Variants in LRRC37A2 observed in about 807,000 individuals in gnomAD.
LRRC37A2 encodes leucine rich repeat containing 37 member A2.
In LRRC37A2, 9 loss-of-function variants were observed where a neutral mutation model predicts 68.8. The ratio of observed to expected loss-of-function variants is 0.13; its 90% CI spans 0.08 to 0.23. LRRC37A2 has a LOEUF of 0.23. Among genes scored for constraint, LRRC37A2 ranks in the 10% least tolerant of loss-of-function variants. The probability of loss-of-function intolerance (pLI) is 1.00; values close to 1 mark genes in which losing one functional copy is unlikely to be tolerated. For synonymous variants in LRRC37A2, 63 were observed against 367.6 expected (o/e 0.17, Z 9.48); for missense variants, 168 against 950.4 (o/e 0.18, Z 10.82).
At chr17:46,813,308 A>C in the LRRC37A2 span, among the ~76,000 whole-genome samples, 2 of 151,738 alleles carry the variant, frequency 1.3e-5, no homozygotes, top group Non-Finnish European at 2.9e-5. Context: ...GACTTGAATG[A>C]AGCCCAGAGA....
chr17:46,442,512 CAT>C, the LRRC37A2 span, among the ~76,000 whole-genome samples: 152 of 20,592 alleles, frequency 7.4e-3, 32 homozygotes, highest in African/African-American at 0.021. Flanking sequence ...GTGAAGACTA[CAT>C]GTTTCAAACG....
chr17:47,034,846 T>C, the LRRC37A2 span, among the ~76,000 whole-genome samples: 1 of 152,136 alleles, frequency 6.6e-6, no homozygotes, highest in Non-Finnish European at 1.5e-5. Flanking sequence ...TCACGAAGGA[T>C]ATTTAAAGCC....
the LRRC37A2 span, among the ~76,000 whole-genome samples, chr17:46,720,665 A>G: frequency 6.6e-6 from 1 of 152,222 alleles, no homozygotes; most frequent in Non-Finnish European, 1.5e-5. Context: ...GTATGCTTTT[A>G]ACTAATCGCT....
At chr17:46,870,937 G>T in the LRRC37A2 span, among the ~76,000 whole-genome samples, 1 of 133,764 alleles carries the variant, frequency 7.5e-6, no homozygotes, top group Non-Finnish European at 1.5e-5. Flanking sequence ...TTGAGATAGG[G>T]TCTTGCTCTG....
chr17:46,848,053 T>G, the LRRC37A2 span, among the ~76,000 whole-genome samples: 8 of 152,072 alleles, frequency 5.3e-5, no homozygotes, highest in African/African-American at 1.7e-4. Context: ...GCTGGCTGCC[T>G]TGGGCTGGTT....
the LRRC37A2 span, chr17:46,768,439 G>A: frequency 1.9e-6 from 3 of 1,614,066 alleles, no homozygotes; most frequent in Non-Finnish European, 2.5e-6. This position sits in a 1 kb window ranked among gnomAD's most constrained non-coding sequence, Gnocchi z 5.0. Flanking sequence ...TTGTGGCCCC[G>A]GCCACAGCAG....
chr17:46,499,811 A>AT, the LRRC37A2 span, among the ~76,000 whole-genome samples: 20,211 of 20,212 alleles, frequency 1, 10,105 homozygotes, highest in Middle Eastern at 1. Context: ...CAAAGTTTTT[A>AT]TAAAAATACG....
the LRRC37A2 span, among the ~76,000 whole-genome samples, chr17:46,493,581 AG>A: frequency 4.1e-5 from 6 of 145,992 alleles, no homozygotes; most frequent in Non-Finnish European, 7.4e-5. Context: ...CTGTGTCGCC[AG>A]GCTGGAGTGC....
chr17:46,823,529 C>G, the LRRC37A2 span, among the ~76,000 whole-genome samples: 1 of 151,948 alleles, frequency 6.6e-6, no homozygotes. Context: ...ACCTCCACCT[C>G]CCCATATTCA....
At chr17:46,456,251 C>T in the LRRC37A2 span, among the ~76,000 whole-genome samples, 7 of 91,228 alleles carry the variant, frequency 7.7e-5, no homozygotes, top group African/African-American at 2.5e-4. Context: ...TGTGTGTATA[C>T]ACATATATGA....
the LRRC37A2 span, among the ~76,000 whole-genome samples, chr17:47,010,178 C>T: frequency 6.6e-6 from 1 of 152,228 alleles, no homozygotes; most frequent in African/African-American, 2.4e-5. Flanking sequence ...ATCCAGACTC[C>T]ACTCCCTCTT....
the LRRC37A2 span, among the ~76,000 whole-genome samples, chr17:46,720,197 A>T: frequency 6.6e-6 from 1 of 152,204 alleles, no homozygotes; most frequent in Non-Finnish European, 1.5e-5. Context: ...GATTTGTTGA[A>T]GTTTTTGCAT....
At chr17:47,018,640 C>T in the LRRC37A2 span, 27 of 1,520,300 alleles carry the variant, frequency 1.8e-5, no homozygotes, top group Middle Eastern at 2.0e-4. Context: ...TTTCAGTCTC[C>T]GGAACCTATT....
the LRRC37A2 span, among the ~76,000 whole-genome samples, chr17:46,473,943 G>A: frequency 9.3e-6 from 1 of 107,908 alleles, no homozygotes; most frequent in African/African-American, 3.3e-5. Flanking sequence ...AGATTTAATG[G>A]ATACTAACCA....
the LRRC37A2 span, among the ~76,000 whole-genome samples, chr17:46,863,288 C>G: frequency 6.6e-6 from 1 of 152,254 alleles, no homozygotes; most frequent in African/African-American, 2.4e-5. Flanking sequence ...CAGCCCCGAA[C>G]TGCACTCCTT....
chr17:46,557,219 A>G (rs1293089588), downstream of LRRC37A2: 1 of 547,118 alleles, frequency 1.8e-6, no homozygotes, highest in Non-Finnish European at 3.2e-6. Flanking sequence ...ATGTTACACT[A>G]CCCCAGATAG....
At chr17:46,461,276 T>C in the LRRC37A2 span, among the ~76,000 whole-genome samples, 12 of 102,966 alleles carry the variant, frequency 1.2e-4, 2 homozygotes, top group African/African-American at 3.2e-4. Flanking sequence ...AGCCTACAGC[T>C]ATATACAGTT....
chr17:46,941,939 G>A, the LRRC37A2 span: 1 of 985,146 alleles, frequency 1.0e-6, no homozygotes, highest in Non-Finnish European at 1.2e-6. Flanking sequence ...TAGACAGAAA[G>A]CTTCTGTCTC....
chr17:47,017,908 A>C, the LRRC37A2 span: 1 of 1,612,718 alleles, frequency 6.2e-7, no homozygotes, highest in Non-Finnish European at 8.5e-7. Flanking sequence ...TCTTCACTCC[A>C]ACAAGAAGCC....
Sources: allele counts gnomAD v4.1 joint callset (sites outside exome capture counted in the v4.1 genomes callset), GRCh38; gene constraint gnomAD v4.1.1; non-coding constraint Gnocchi (gnomAD v3.1); transcripts MANE v1.5; gene names NCBI Gene and HGNC (gene_info 2026-07-23, HGNC 2026-07-21).